PRKN: variants seen among roughly 807,000 people sequenced by gnomAD.
The protein encoded by PRKN is parkin RBR E3 ubiquitin protein ligase.
Under a neutral mutation model 59.5 loss-of-function variants are expected in PRKN, and 56 were observed. The ratio of observed to expected loss-of-function variants is 0.94; its 90% CI spans 0.76 to 1.18. PRKN has a LOEUF of 1.18. Among genes scored for constraint, PRKN ranks in the 50% most tolerant of loss-of-function variants. The probability of loss-of-function intolerance (pLI) is 0.00; values close to 1 mark genes in which losing one functional copy is unlikely to be tolerated. For missense variants in PRKN, 657 were observed against 596.4 expected, an observed-to-expected ratio of 1.10 and a Z score of -1.06; for synonymous variants, 250 against 222.1, an observed-to-expected ratio of 1.13 and a Z score of -1.12.
At chr6:161,506,666 G>A (rs780820241) in intron 9 of PRKN, among the ~76,000 whole-genome samples, 13 of 152,210 alleles carry the variant, frequency 8.5e-5, no homozygotes, top group Non-Finnish European at 1.3e-4. Context: ...GGGCCCAGGA[G>A]TGGCAGGTGG....
At chr6:162,304,104 T>C (rs1782099023) in intron 2 of PRKN, among the ~76,000 whole-genome samples, 1 of 138,646 alleles carries the variant, frequency 7.2e-6, no homozygotes, top group African/African-American at 2.7e-5. Context: ...GAAATAGAAG[T>C]AATCCAAGTG....
chr6:161,642,583 A>C (rs573101614), intron 7 of PRKN, among the ~76,000 whole-genome samples: 1 of 152,324 alleles, frequency 6.6e-6, no homozygotes, highest in Admixed American at 6.5e-5. Context: ...AAAAAAGACA[A>C]AAAATAAGGT....
In PRKN at chr6:162,569,492, A is replaced by T. The variant is rs533405866; in HGVS notation, c.8-126019T>A. ...TGAGGAGAGCCACCTGGAGTCTGGGATGCAGAACATGAGTATCCATACAAA... is the reference window on the plus strand; with the variant it reads ...TGAGGAGAGCCACCTGGAGTCTGGGTTGCAGAACATGAGTATCCATACAAA... On this transcript the variant is annotated intron_variant, in intron 1 of 11. Coordinates refer to ENST00000366898, the MANE Select transcript of PRKN (RefSeq NM_004562.3). 85 of 691,112 alleles carry T rather than the reference A, an allele frequency of 1.2e-4. No homozygotes were observed. In the African/African-American group the frequency reaches 1.4e-3, roughly 11 times the overall value. 42.8% of individuals were successfully genotyped at this position (691,112 alleles called of 1,614,324 possible). A position where few individuals can be genotyped will look rare whatever the true frequency, so the allele number is the denominator to read the frequency against.
chr6:162,175,792 T>A, intron 4 of PRKN, among the ~76,000 whole-genome samples: 1 of 152,164 alleles, frequency 6.6e-6, no homozygotes, highest in Non-Finnish European at 1.5e-5. Context: ...AAGTGACTGG[T>A]GCTCCTCTGA....
At chr6:162,069,962 T>C (rs1778505262) in intron 4 of PRKN, among the ~76,000 whole-genome samples, 4 of 152,294 alleles carry the variant, frequency 2.6e-5, no homozygotes, top group Admixed American at 1.3e-4. Context: ...GAGACTATGA[T>C]CATAATAAAA....
rs1235179427 is a variant in PRKN at position 161,417,289 on chromosome 6, A to G, written c.1084-30412T>C. 1.3e-5 allele frequency among the ~76,000 whole-genome samples: 2 copies of G among 152,112 alleles called. No individual in the cohort carries two copies. The highest frequency in any genetic ancestry group is 2.9e-5 in the Non-Finnish European group (2 of 68,026). On this transcript the variant is annotated intron_variant, in intron 9 of 11. Coordinates refer to ENST00000366898, the MANE Select transcript of PRKN (RefSeq NM_004562.3). The surrounding 1 kb of genome is among the most constrained non-coding windows in gnomAD (Gnocchi z 5.4). ...ACATGGTGAAACCCTGTCTCTACTA[A>G]AAATACAAAAATTAGCCGGGTGTGG...
chr6:161,505,351 T>C (rs1313923651), intron 9 of PRKN, among the ~76,000 whole-genome samples: 3 of 118,046 alleles, frequency 2.5e-5, no homozygotes, highest in South Asian at 6.0e-4. Flanking sequence ...TCATGTCCTT[T>C]GCCCACTCTT....
intron 1 of PRKN, among the ~76,000 whole-genome samples, chr6:162,500,016 G>C (rs1026187784): frequency 6.6e-6 from 1 of 151,974 alleles, no homozygotes; most frequent in African/African-American, 2.4e-5. Context: ...ACAAGGACTT[G>C]GTCATGACAA....
intron 1 of PRKN, among the ~76,000 whole-genome samples, chr6:162,598,877 G>T (rs997067170): frequency 4.9e-5 from 7 of 143,448 alleles, no homozygotes; most frequent in African/African-American, 1.5e-4. Flanking sequence ...AAAAGCAATT[G>T]CAGAATAATT....
chr6:162,417,144 A>G (rs1788670663), intron 2 of PRKN, among the ~76,000 whole-genome samples: 1 of 152,154 alleles, frequency 6.6e-6, no homozygotes. Context: ...AGGAGTTTTT[A>G]TTTTTTATTT....
chr6:162,085,170 A>C (rs1779203816), intron 4 of PRKN, among the ~76,000 whole-genome samples: 1 of 149,602 alleles, frequency 6.7e-6, no homozygotes, highest in South Asian at 2.2e-4. Flanking sequence ...TTTTTAAAAA[A>C]CCCTACATAG....
At chr6:162,261,824 T>C (rs1779899351) in intron 3 of PRKN, among the ~76,000 whole-genome samples, 1 of 152,218 alleles carries the variant, frequency 6.6e-6, no homozygotes, top group Admixed American at 6.5e-5. Context: ...TTTAAGTTCC[T>C]TAAATTTTAT....
chr6:162,611,713 T>C (rs1782159676), intron 1 of PRKN, among the ~76,000 whole-genome samples: 1 of 152,178 alleles, frequency 6.6e-6, no homozygotes, highest in Admixed American at 6.5e-5. Context: ...ACTTGAGAAG[T>C]TTCCTGAGGT....
At chr6:161,799,148 C>A (rs770247373) in intron 6 of PRKN, among the ~76,000 whole-genome samples, 1 of 152,218 alleles carries the variant, frequency 6.6e-6, no homozygotes, top group Non-Finnish European at 1.5e-5. Context: ...GGCCACCAAG[C>A]CTAAGTTACT....
intron 7 of PRKN, among the ~76,000 whole-genome samples, chr6:161,747,143 C>T (rs572023542): frequency 6.6e-6 from 1 of 152,232 alleles, no homozygotes; most frequent in South Asian, 2.1e-4. Context: ...GTATTATGTG[C>T]TGGTCTTTGA....
intron 1 of PRKN, among the ~76,000 whole-genome samples, chr6:162,613,261 T>C (rs977968739): frequency 7.2e-5 from 11 of 152,210 alleles, no homozygotes; most frequent in Admixed American, 1.3e-4. Flanking sequence ...AGAGAGAGAA[T>C]GAATAACAGC....
chr6:161,834,010 TA>T (rs1792631808), intron 6 of PRKN, among the ~76,000 whole-genome samples: 1 of 152,148 alleles, frequency 6.6e-6, no homozygotes, highest in African/African-American at 2.4e-5. Flanking sequence ...CTGGACTTTT[TA>T]ATTGATCAAA....
At chr6:162,303,402 T>G (rs895907952) in intron 2 of PRKN, among the ~76,000 whole-genome samples, 1 of 152,190 alleles carries the variant, frequency 6.6e-6, no homozygotes, top group African/African-American at 2.4e-5. Context: ...TGTGCATCTC[T>G]GTTCAATGCG....
chr6:162,125,054 G>A (rs1562527717), intron 4 of PRKN, among the ~76,000 whole-genome samples: 1 of 152,128 alleles, frequency 6.6e-6, no homozygotes, highest in Non-Finnish European at 1.5e-5. Flanking sequence ...TAGAAAGTGA[G>A]GAATTCTCTC....
Sources: gnomAD v4.1 joint callset for allele counts (sites outside exome capture counted in the v4.1 genomes callset) on GRCh38, gnomAD v4.1.1 for gene constraint, Gnocchi (gnomAD v3.1) non-coding constraint, MANE v1.5 for transcripts, NCBI Gene and HGNC (gene_info 2026-07-23, HGNC 2026-07-21) for gene names.